Variants in NXPH1 observed in about 807,000 individuals in gnomAD.
NXPH1 encodes neurexophilin 1.
In NXPH1, 5 loss-of-function variants were observed where a neutral mutation model predicts 23.7. The observed-to-expected ratio is 0.21, with a 90% CI of 0.11 to 0.44. The LOEUF (loss-of-function observed/expected upper bound fraction) is 0.44, where lower values mean the gene tolerates loss of function less well. Ranked by LOEUF, NXPH1 falls within the 20% of genes least tolerant of loss-of-function variation. The pLI is 0.99. For synonymous variants in NXPH1, 144 were observed against 122.2 expected, an observed-to-expected ratio of 1.18 and a Z score of -1.18; for missense variants, 324 against 321.6, an observed-to-expected ratio of 1.01 and a Z score of -0.06.
rs544506926 is a variant in NXPH1 at position 8,696,828 on chromosome 7, A to G, written c.55-54180A>G. Among the ~76,000 whole-genome samples, 519 of 107,146 alleles carry G rather than the reference A, an allele frequency of 4.8e-3. 2 individuals are homozygous for G. Among genetic ancestry groups the G allele is most frequent in the African/African-American group, 0.017 (492 of 28,896 alleles). 70.3% of individuals were successfully genotyped at this position (107,146 alleles called of 152,430 possible). A position where few individuals can be genotyped will look rare whatever the true frequency, so the allele number is the denominator to read the frequency against. On this transcript the variant is annotated intron_variant, in intron 2 of 2. Coordinates refer to ENST00000405863, the MANE Select transcript of NXPH1 (RefSeq NM_152745.3). ...TGCACTCCAGCCTGGGTGACAGAGC[A>G]AGACTCCCTCTCAAAAAAAAAAAAA...
chr7:8,484,695 A>T (rs1256136445), intron 2 of NXPH1, among the ~76,000 whole-genome samples: 2 of 152,208 alleles, frequency 1.3e-5, no homozygotes, highest in African/African-American at 2.4e-5. Flanking sequence ...ACTTTTGAGA[A>T]GTAGTAATAG....
chr7:8,499,762 T>C (rs2128612348), intron 2 of NXPH1, among the ~76,000 whole-genome samples: 1 of 152,162 alleles, frequency 6.6e-6, no homozygotes, highest in Non-Finnish European at 1.5e-5. Context: ...TTGAGGCCTT[T>C]ACTGCATGCC....
chr7:8,632,336 G>A (rs565001702), intron 2 of NXPH1, among the ~76,000 whole-genome samples: 2 of 151,942 alleles, frequency 1.3e-5, no homozygotes, highest in Non-Finnish European at 2.9e-5. Context: ...TATTTTATAC[G>A]TTGATTGCAA....
chr7:8,679,944 C>A (rs908368954), intron 2 of NXPH1, among the ~76,000 whole-genome samples: 2 of 152,240 alleles, frequency 1.3e-5, no homozygotes, highest in Non-Finnish European at 2.9e-5. Context: ...TTGCTTGAAC[C>A]CAGGAGGCTG....
At chr7:8,529,527 G>A (rs139113624) in intron 2 of NXPH1, among the ~76,000 whole-genome samples, 30 of 152,296 alleles carry the variant, frequency 2.0e-4, no homozygotes, top group Non-Finnish European at 1.5e-4. Context: ...GCAAGAAAGG[G>A]CTCCATTACC....
intron 2 of NXPH1, among the ~76,000 whole-genome samples, chr7:8,655,426 C>A (rs71531404): frequency 2.4e-4 from 34 of 142,504 alleles, no homozygotes; most frequent in African/African-American, 9.0e-4. Flanking sequence ...CTCTCTCTCT[C>A]TCTCTCTCTC....
chr7:8,584,546 A>G (rs1818944052), intron 2 of NXPH1, among the ~76,000 whole-genome samples: 1 of 152,210 alleles, frequency 6.6e-6, no homozygotes, highest in African/African-American at 2.4e-5. Flanking sequence ...ATAGAGACAA[A>G]TACACACTCA....
intron 2 of NXPH1, among the ~76,000 whole-genome samples, chr7:8,542,757 C>T (rs1818139378): frequency 1.3e-5 from 2 of 151,410 alleles, no homozygotes; most frequent in Non-Finnish European, 3.0e-5. Context: ...CAACTCTCAC[C>T]TCAGGAGGAA....
chr7:8,483,062 G>A (rs990430645), intron 2 of NXPH1, among the ~76,000 whole-genome samples: 2 of 152,182 alleles, frequency 1.3e-5, no homozygotes, highest in African/African-American at 4.8e-5. Flanking sequence ...TGTTAGCAAT[G>A]TAATATTAAT....
chr7:8,647,882 C>T (rs941321262), intron 2 of NXPH1, among the ~76,000 whole-genome samples: 2 of 151,550 alleles, frequency 1.3e-5, no homozygotes, highest in Admixed American at 1.3e-4. Context: ...CATTATTTCC[C>T]TATGACTGTG....
At chr7:8,637,710 T>C (rs531412368) in intron 2 of NXPH1, among the ~76,000 whole-genome samples, 1 of 152,352 alleles carries the variant, frequency 6.6e-6, no homozygotes, top group South Asian at 2.1e-4. Flanking sequence ...TATTAATTTG[T>C]GCAATGAACT....
intron 2 of NXPH1, among the ~76,000 whole-genome samples, chr7:8,642,848 A>G (rs1413486106): frequency 6.6e-6 from 1 of 151,550 alleles, no homozygotes; most frequent in Non-Finnish European, 1.5e-5. Context: ...CTGGGCATAT[A>G]CTTTTTTTTT....
chr7:8,671,300 C>T (rs1343405842), intron 2 of NXPH1, among the ~76,000 whole-genome samples: 2 of 152,122 alleles, frequency 1.3e-5, no homozygotes, highest in African/African-American at 4.8e-5. Context: ...ATATTAAGCA[C>T]CCAGCTGTCT....
chr7:8,470,878 T>C (rs753556510), intron 2 of NXPH1, among the ~76,000 whole-genome samples: 1 of 152,162 alleles, frequency 6.6e-6, no homozygotes, highest in African/African-American at 2.4e-5. Flanking sequence ...TGATTTTTTT[T>C]TTTAAGAAGA....
Position 8,435,873 on chromosome 7 carries a change from G to C in NXPH1, c.54+106G>C. Reference sequence around the variant, plus strand: ...TTACGCCGCCAGTTCAGTGAGAGCAGCTTCCTAGCAGCTGTGTTGGAGCAA... The same window carrying C: ...TTACGCCGCCAGTTCAGTGAGAGCACCTTCCTAGCAGCTGTGTTGGAGCAA... On this transcript the variant is annotated intron_variant, in intron 2 of 2. Coordinates refer to ENST00000405863, the MANE Select transcript of NXPH1 (RefSeq NM_152745.3). This position sits in a 1 kb window ranked among gnomAD's most constrained non-coding sequence, Gnocchi z 5.9. 9.4e-7 allele frequency: 1 copy of C among 1,059,138 alleles called. No homozygotes were observed. Among genetic ancestry groups the C allele is most frequent in the Non-Finnish European group, 1.5e-6 (1 of 676,542 alleles). 65.6% of individuals were successfully genotyped at this position (1,059,138 alleles called of 1,614,324 possible).
Position 8,639,921 on chromosome 7 carries a change from T to A in NXPH1, c.55-111087T>A, listed in dbSNP as rs143482251. On this transcript the variant is annotated intron_variant, in intron 2 of 2. Transcript: ENST00000405863. The stretch of plus-strand genomic sequence containing the variant: ...CAATTAAACGTCTTTTTGTTCTCAG[T>A]TTCAGGTATGTTGTTATTAGCAGCA... 5.2e-3 allele frequency among the ~76,000 whole-genome samples: 791 copies of A among 152,332 alleles called. 3 individuals are homozygous for A. The highest frequency in any genetic ancestry group is 7.5e-3 in the Non-Finnish European group (508 of 68,032).
intron 2 of NXPH1, among the ~76,000 whole-genome samples, chr7:8,734,852 G>A (rs983466655): frequency 1.3e-5 from 2 of 152,060 alleles, no homozygotes; most frequent in Non-Finnish European, 1.5e-5. Context: ...CCTTGAAGAG[G>A]TCCTTCATAT....
chr7:8,720,372 T>C (rs564746892), intron 2 of NXPH1, among the ~76,000 whole-genome samples: 22 of 152,314 alleles, frequency 1.4e-4, no homozygotes, highest in Non-Finnish European at 2.8e-4. Flanking sequence ...TTCTCTACTC[T>C]ATCATTAGGT....
intron 2 of NXPH1, among the ~76,000 whole-genome samples, chr7:8,613,812 G>T (rs557690611): frequency 6.6e-6 from 1 of 151,730 alleles, no homozygotes; most frequent in South Asian, 2.1e-4. Context: ...TTTCTAGAAA[G>T]GAACATATAT....
Sources: allele counts gnomAD v4.1 joint callset (sites outside exome capture counted in the v4.1 genomes callset), GRCh38; gene constraint gnomAD v4.1.1; non-coding constraint Gnocchi (gnomAD v3.1); transcripts MANE v1.5; gene names NCBI Gene and HGNC (gene_info 2026-07-23, HGNC 2026-07-21).